The following TLN2 variants were observed in gnomAD, a reference collection of about 807,000 sequenced individuals.
TLN2 encodes the protein talin 2, also known as talin-2.
A neutral mutation model predicts 294.7 loss-of-function variants in TLN2; 118 were observed. The observed-to-expected ratio is 0.40, with a 90% CI of 0.34 to 0.47. The LOEUF (loss-of-function observed/expected upper bound fraction) is 0.47. TLN2 is among the 20% of genes least tolerant of loss of function. TLN2 has a pLI of 0.84. For missense variants in TLN2, 3,083 were observed against 3,282.2 expected, an observed-to-expected ratio of 0.94 and a Z score of 1.48; for synonymous variants, 1,431 against 1,304.5, an observed-to-expected ratio of 1.10 and a Z score of -2.09.
chr15:62,809,192 A>G (rs1035923861), intron 51 of TLN2, among the ~76,000 whole-genome samples: 5 of 152,190 alleles, frequency 3.3e-5, no homozygotes, highest in Non-Finnish European at 7.3e-5. Context: ...CTGAAATTCA[A>G]ATTTAACTGG....
intron 9 of TLN2, among the ~76,000 whole-genome samples, chr15:62,669,996 T>C (rs1037447769): frequency 4.6e-5 from 7 of 152,112 alleles, no homozygotes; most frequent in Middle Eastern, 3.2e-3. Context: ...AGGAGGCAGA[T>C]TCGGATGGGC....
intron 1 of TLN2, among the ~76,000 whole-genome samples, chr15:62,547,004 A>T (rs535300882): frequency 6.6e-6 from 1 of 152,334 alleles, no homozygotes; most frequent in South Asian, 2.1e-4. Context: ...ACCAGCGTTA[A>T]TCAGGGAGGA....
chr15:62,453,174 A>C (rs1320281028), intron 1 of TLN2, among the ~76,000 whole-genome samples: 1 of 152,132 alleles, frequency 6.6e-6, no homozygotes, highest in Non-Finnish European at 1.5e-5. Context: ...CATTGGTAAA[A>C]GGGCATGCGG....
chr15:62,423,262 T>G (rs1253805315), intron 1 of TLN2, among the ~76,000 whole-genome samples: 2 of 152,088 alleles, frequency 1.3e-5, no homozygotes, highest in Non-Finnish European at 2.9e-5. Flanking sequence ...TGGCGTGAGC[T>G]TGTAGTCCCA....
At position 62,792,725 on chromosome 15, in the gene TLN2, T is replaced by C; in HGVS notation, c.5821T>C (p.Cys1941Arg). ...GCAGAAGGCAGGGGCCCTCCAGGTC[T>C]GCCCCACAGACAGCTACACCAAGAG... is the stretch of plus-strand genomic sequence containing the variant. ...LVQKAGALQV[C>R]PTDSYTKREL... Residue 1941 changes from cysteine to arginine, a missense_variant, in exon 46 of 59, where the codon TGC (cysteine) becomes CGC (arginine). By Grantham distance (180) the Cys-to-Arg change is radical. Coordinates refer to ENST00000636159, the MANE Select transcript of TLN2 (RefSeq NM_015059.3). 1 of 1,614,072 alleles carries C rather than the reference T, an allele frequency of 6.2e-7. No homozygotes were observed. The highest frequency in any genetic ancestry group is 8.5e-7 in the Non-Finnish European group (1 of 1,180,032).
intron 22 of TLN2, among the ~76,000 whole-genome samples, chr15:62,713,113 C>T (rs538035055): frequency 6.6e-6 from 1 of 151,580 alleles, no homozygotes; most frequent in South Asian, 2.1e-4. Flanking sequence ...AATAAAAACA[C>T]AAAAAATTAA....
In TLN2 at chr15:62,686,778, A is replaced by C. The variant is rs750629080; in HGVS notation, c.1095A>C (p.Ser365=). The C allele has an allele frequency of 1.9e-6, 3 of 1,613,278 alleles. No homozygotes were observed. Among genetic ancestry groups the C allele is most frequent in the Admixed American group, 1.7e-5 (1 of 60,008 alleles). The change falls in exon 12 of 59, where the codon TCA becomes TCC. Residue 365 remains serine, a synonymous_variant. Coordinates refer to ENST00000636159, the MANE Select transcript of TLN2 (RefSeq NM_015059.3). The part of the protein sequence containing the change: ...PLTTVKRWAA[S]PKSFTLDFGE... ...CCACCGTCAAGCGCTGGGCAGCCTC[A>C]CCCAAGAGCTTCACACTGGTAGGGA...
At chr15:62,707,324 G>A (rs1425725439) in intron 20 of TLN2, 71 bp downstream of exon 20, 4 of 1,480,022 alleles carry the variant, frequency 2.7e-6, no homozygotes, top group African/African-American at 1.4e-5. Flanking sequence ...GGCATTTGGT[G>A]TGTAGCAGGG....
chr15:62,575,800 G>A (rs1447605253), intron 1 of TLN2, among the ~76,000 whole-genome samples: 1 of 152,200 alleles, frequency 6.6e-6, no homozygotes, highest in Non-Finnish European at 1.5e-5. Context: ...TTCATCCACG[G>A]AAAACCAGTG....
At chr15:62,473,377 A>G (rs2037600629) in intron 1 of TLN2, among the ~76,000 whole-genome samples, 1 of 151,880 alleles carries the variant, frequency 6.6e-6, no homozygotes. Flanking sequence ...CGATTTCCAT[A>G]TACATACAGA....
rs756415845 is a variant in TLN2, at chr15:62,771,030, C to G, written c.5263C>G (p.Leu1755Val). ...CGCAGTTGGTGTGGCCTCCAAGATT[C>G]TTGATCATCAGCAGCAGATGACGGT... ...LAAVGVASKI[L>V]DHQQQMTVLD... The change falls in exon 42 of 59, where the codon CTT becomes GTT. Residue 1755 changes from leucine (L) to valine (V), a missense_variant. Transcript: ENST00000636159. 3.7e-6 allele frequency: 6 copies of G among 1,610,398 alleles called. No homozygotes were observed. The highest frequency in any genetic ancestry group is 1.7e-4 in the Middle Eastern group (1 of 6,036).
intron 3 of TLN2, among the ~76,000 whole-genome samples, chr15:62,627,637 A>G (rs2049398549): frequency 6.6e-6 from 1 of 152,260 alleles, no homozygotes. Flanking sequence ...TACTACATGC[A>G]GGCTGAGGGT....
At position 62,703,935 on chromosome 15, in the gene TLN2, C is replaced by T. The variant is rs76131879; in HGVS notation, c.2004+1071C>T. 7.8e-3 allele frequency among the ~76,000 whole-genome samples: 1,185 copies of T among 152,304 alleles called. 6 individuals are homozygous for T. Among genetic ancestry groups the T allele is most frequent in the South Asian group, 0.013 (62 of 4,824 alleles). On this transcript the variant is annotated intron_variant, in intron 19 of 58. Transcript: ENST00000636159. ...CTGGGGTGGTTCAGGCCAGGATGAGCTGCTTACGTGCTGGTGGGCCAGTGC... is the reference window on the plus strand; with the variant it reads ...CTGGGGTGGTTCAGGCCAGGATGAGTTGCTTACGTGCTGGTGGGCCAGTGC...
Position 62,410,376 on chromosome 15 carries a change from C to T in TLN2, c.-238+19691C>T, listed in dbSNP as rs867407670. ...AAAGTAAAAACTGCAGCAAGATTTA[C>T]AGGCATTTGTCAAAATTTATAGAAC... On this transcript the variant is annotated intron_variant, in intron 1 of 58. Coordinates refer to ENST00000636159, the MANE Select transcript of TLN2 (RefSeq NM_015059.3). Among the ~76,000 whole-genome samples, 8 of 152,070 alleles carry T rather than the reference C, an allele frequency of 5.3e-5. No homozygotes were observed. The South Asian group carries it at 1.7e-3, about 32-fold the overall frequency.
intron 2 of TLN2, among the ~76,000 whole-genome samples, chr15:62,607,922 T>TA (rs1368230304): frequency 6.6e-6 from 1 of 152,200 alleles, no homozygotes; most frequent in Non-Finnish European, 1.5e-5. Flanking sequence ...GTGTTTCCCT[T>TA]CTTTGCTAAT....
chr15:62,779,801 T>TA (rs1274316849), intron 43 of TLN2, among the ~76,000 whole-genome samples: 1 of 152,248 alleles, frequency 6.6e-6, no homozygotes, highest in African/African-American at 2.4e-5. Flanking sequence ...TAGGGAAAGC[T>TA]AAAAAAGTCT....
chr15:62,527,928 T>C (rs1413511776), intron 1 of TLN2, among the ~76,000 whole-genome samples: 1 of 152,208 alleles, frequency 6.6e-6, no homozygotes. Context: ...TATTTAAAAG[T>C]TTATGACTTT....
In TLN2 at chr15:62,655,608, G is replaced by A. The variant is rs2053125243; in HGVS notation, c.518-336G>A. On this transcript the variant is annotated intron_variant, in intron 7 of 58. Coordinates refer to ENST00000636159, the MANE Select transcript of TLN2 (RefSeq NM_015059.3). ...TAGCACATGTCACCGTGGGTTGGCT[G>A]GCACTGTCCCCTGCTCCACAGAGGG... Among the ~76,000 whole-genome samples, 18 of 998 alleles carry A rather than the reference G, an allele frequency of 0.018. 9 individuals are homozygous for A. The Non-Finnish European group carries it at 0.2, about 11-fold the overall frequency. The allele number at this position is 998 out of a possible 152,430, so 0.7% of individuals were successfully genotyped here. A position where few individuals can be genotyped will look rare whatever the true frequency, so the allele number is the denominator to read the frequency against.
intron 1 of TLN2, among the ~76,000 whole-genome samples, chr15:62,541,122 A>T (rs1049251916): frequency 2.0e-5 from 3 of 152,166 alleles, no homozygotes; most frequent in Non-Finnish European, 4.4e-5. Flanking sequence ...TGGGTAGGTA[A>T]TCAAGAGTCA....
Sources: gnomAD v4.1 joint callset for allele counts (sites outside exome capture counted in the v4.1 genomes callset) on GRCh38, gnomAD v4.1.1 for gene constraint, MANE v1.5 for transcripts, NCBI Gene and HGNC (gene_info 2026-07-23, HGNC 2026-07-21) for gene names.